Variants in CNTN3 observed in about 807,000 individuals in gnomAD.
CNTN3 encodes contactin 3.
A neutral mutation model predicts 119.1 loss-of-function variants in CNTN3; 60 were observed. The ratio of observed to expected loss-of-function variants is 0.50; its 90% CI spans 0.41 to 0.62. The LOEUF (loss-of-function observed/expected upper bound fraction) is 0.62. Among genes scored for constraint, CNTN3 ranks in the 20% least tolerant of loss-of-function variants. CNTN3 has a pLI of 0.00. For synonymous variants in CNTN3, 450 were observed against 438.7 expected, an observed-to-expected ratio of 1.03 and a Z score of -0.32; for missense variants, 1,101 against 1,242.4, an observed-to-expected ratio of 0.89 and a Z score of 1.71.
At position 74,362,059 on chromosome 3, in the gene CNTN3, GAGA is replaced by G; in HGVS notation, c.1214-22_1214-20del. 1 of 1,610,720 alleles carries G rather than the reference GAGA, an allele frequency of 6.2e-7. No homozygotes were observed. The highest frequency in any genetic ancestry group is 8.5e-7 in the Non-Finnish European group (1 of 1,177,886). On this transcript the variant is annotated intron_variant, in intron 10 of 22. Coordinates refer to ENST00000263665, the MANE Select transcript of CNTN3 (RefSeq NM_020872.3). ...GCAGAAGCTGAAAGGCAAGAAAGGA[GAGA>G]AGGAGAAGTGGATCATTTACAAAAC... is the stretch of plus-strand genomic sequence containing the variant.
intron 1 of CNTN3, among the ~76,000 whole-genome samples, chr3:74,552,178 A>G (rs889819886): frequency 1.7e-4 from 26 of 152,234 alleles, no homozygotes; most frequent in African/African-American, 5.5e-4. Context: ...TTGTACCACA[A>G]TTTATTTATC....
chr3:74,364,904 C>A (rs1343420447), intron 9 of CNTN3, among the ~76,000 whole-genome samples: 1 of 152,044 alleles, frequency 6.6e-6, no homozygotes, highest in African/African-American at 2.4e-5. Flanking sequence ...TAAAAAGGTA[C>A]CGTGACTTTA....
intron 2 of CNTN3, among the ~76,000 whole-genome samples, chr3:74,514,329 C>T (rs935901794): frequency 3.9e-5 from 6 of 152,074 alleles, no homozygotes; most frequent in African/African-American, 1.4e-4. Context: ...GAAATAAATT[C>T]TAACAATCTC....
At chr3:74,411,079 C>T (rs1256484635) in intron 5 of CNTN3, among the ~76,000 whole-genome samples, 2 of 152,200 alleles carry the variant, frequency 1.3e-5, no homozygotes, top group Admixed American at 6.5e-5. Context: ...CCATCCATCC[C>T]TTTCTTTCTT....
In CNTN3 at chr3:74,285,472, C is replaced by T. The variant is rs767086180; in HGVS notation, c.2537G>A (p.Gly846Asp). The T allele has an allele frequency of 1.1e-5, 18 of 1,611,302 alleles. No homozygotes were observed. Among genetic ancestry groups the T allele is most frequent in the South Asian group, 5.5e-5 (5 of 90,730 alleles). Reference protein sequence around the residue: ...LGYEVRYWNGGGKEESSSKMK... With the variant: ...LGYEVRYWNGDGKEESSSKMK... ...CTTACTGGATGATTCCTCCTTTCCA[C>T]CCCCATTCCAGTACCGCACCTGGTG... Residue 846 changes from glycine to aspartate, a missense_variant, in exon 20 of 23, where the codon GGT becomes GAT. Coordinates refer to ENST00000263665, the MANE Select transcript of CNTN3 (RefSeq NM_020872.3).
chr3:74,348,791 T>C (rs1249226673), intron 11 of CNTN3, among the ~76,000 whole-genome samples: 1 of 152,062 alleles, frequency 6.6e-6, no homozygotes, highest in Non-Finnish European at 1.5e-5. Context: ...CACCATTACA[T>C]TGTTTTAGCA....
intron 1 of CNTN3, among the ~76,000 whole-genome samples, chr3:74,555,665 A>G (rs545517378): frequency 1.3e-5 from 2 of 152,252 alleles, no homozygotes; most frequent in Admixed American, 6.5e-5. Flanking sequence ...CCAGGAATTT[A>G]CCCATGTCTT....
At chr3:74,446,659 A>C (rs2106938496) in intron 4 of CNTN3, among the ~76,000 whole-genome samples, 1 of 148,134 alleles carries the variant, frequency 6.8e-6, no homozygotes, top group East Asian at 2.0e-4. Context: ...TAAATAAAAT[A>C]TATTATTCAA....
At chr3:74,404,501 A>T (rs1159749050) in intron 5 of CNTN3, among the ~76,000 whole-genome samples, 1 of 152,130 alleles carries the variant, frequency 6.6e-6, no homozygotes, top group Admixed American at 6.6e-5. Flanking sequence ...CCAACAGAGA[A>T]TGAAGTCTAT....
chr3:74,467,705 C>A (rs1264922114), intron 4 of CNTN3, among the ~76,000 whole-genome samples: 1 of 152,100 alleles, frequency 6.6e-6, no homozygotes, highest in Non-Finnish European at 1.5e-5. Context: ...ATATATACCA[C>A]CCAAGCAGCT....
intron 1 of CNTN3, among the ~76,000 whole-genome samples, chr3:74,540,243 T>C (rs1252136268): frequency 6.6e-6 from 1 of 152,078 alleles, no homozygotes; most frequent in Non-Finnish European, 1.5e-5. Flanking sequence ...TCAATAAAAG[T>C]AGTGGGGGCA....
intron 5 of CNTN3, among the ~76,000 whole-genome samples, chr3:74,419,398 G>GA (rs66565038): frequency 0.73 from 109,741 of 150,744 alleles, 40,009 homozygotes; most frequent in East Asian, 0.81. Flanking sequence ...CTTGGGTAAA[G>GA]AAAAAAAAAT....
Position 74,564,032 on chromosome 3 carries a change from G to A in CNTN3, c.-80-42840C>T, listed in dbSNP as rs574496553. On this transcript the variant is annotated intron_variant, in intron 1 of 22. Coordinates refer to ENST00000263665, the MANE Select transcript of CNTN3 (RefSeq NM_020872.3). ...CAATGGATAGGAGCGGTCCCTGCTCGCTGATGATGTTCATATTATAAAGAA... is the reference window on the plus strand; with the variant it reads ...CAATGGATAGGAGCGGTCCCTGCTCACTGATGATGTTCATATTATAAAGAA... 3.3e-5 allele frequency among the ~76,000 whole-genome samples: 5 copies of A among 152,204 alleles called. No individual in the cohort carries two copies. The East Asian group carries it at 7.7e-4, about 24-fold the overall frequency.
chr3:74,295,261 A>G, intron 18 of CNTN3, 25 bp from the exon 19 acceptor site: 2 of 1,325,774 alleles, frequency 1.5e-6, no homozygotes, highest in African/African-American at 1.4e-5. Context: ...AAATTGAAAT[A>G]TGATGATAAT....
intron 13 of CNTN3, among the ~76,000 whole-genome samples, chr3:74,309,065 CTAA>C (rs1312494169): frequency 2.0e-5 from 3 of 151,772 alleles, no homozygotes; most frequent in Admixed American, 2.0e-4. Flanking sequence ...AATGACAGGC[CTAA>C]TATCATGTTT....
At chr3:74,509,621 A>T (rs1215266010) in intron 2 of CNTN3, among the ~76,000 whole-genome samples, 1 of 152,098 alleles carries the variant, frequency 6.6e-6, no homozygotes, top group Non-Finnish European at 1.5e-5. Context: ...TGCTTTCCTT[A>T]ATAATGGCAC....
chr3:74,407,357 C>T (rs986199170), intron 5 of CNTN3, among the ~76,000 whole-genome samples: 3 of 150,768 alleles, frequency 2.0e-5, no homozygotes, highest in African/African-American at 7.3e-5. Context: ...TAACCTCCAC[C>T]TCCTGGGTTC....
chr3:74,406,417 G>T (rs1705324499), intron 5 of CNTN3, among the ~76,000 whole-genome samples: 2 of 151,484 alleles, frequency 1.3e-5, no homozygotes, highest in Non-Finnish European at 2.9e-5. Context: ...CAAAATGAGG[G>T]TTATCTTGAC....
chr3:74,316,166 G>C (rs958269864), intron 13 of CNTN3, among the ~76,000 whole-genome samples: 3 of 152,126 alleles, frequency 2.0e-5, no homozygotes, highest in Admixed American at 6.5e-5. Context: ...CTGATAGGAA[G>C]TGGGCAAATG....
Sources: allele counts gnomAD v4.1 joint callset (sites outside exome capture counted in the v4.1 genomes callset), GRCh38; gene constraint gnomAD v4.1.1; transcripts MANE v1.5; gene names NCBI Gene and HGNC (gene_info 2026-07-23, HGNC 2026-07-21).